The following CAST variants were observed in gnomAD, a reference collection of about 807,000 sequenced individuals.
CAST encodes MIR583 host.
A neutral mutation model predicts 119.6 loss-of-function variants in CAST; 76 were observed. The ratio of observed to expected loss-of-function variants is 0.64; its 90% confidence interval spans 0.53 to 0.77. The LOEUF (loss-of-function observed/expected upper bound fraction) is 0.77, where lower values mean the gene tolerates loss of function less well. Among genes scored for constraint, CAST ranks in the 30% least tolerant of loss-of-function variants. CAST has a pLI of 0.00. For missense variants in CAST, 953 were observed against 946.5 expected (o/e 1.01, Z -0.09); for synonymous variants, 319 against 331.6 (o/e 0.96, Z 0.41).
At chr5:96,494,877 G>A in the CAST span, among the ~76,000 whole-genome samples, 1 of 152,250 alleles carries the variant, frequency 6.6e-6, no homozygotes, top group Admixed American at 6.5e-5. Context: ...CAGCACTTTG[G>A]GAGGGCAAGG....
chr5:96,289,370 A>G, the CAST span, among the ~76,000 whole-genome samples: 1 of 152,102 alleles, frequency 6.6e-6, no homozygotes, highest in Non-Finnish European at 1.5e-5. Flanking sequence ...CTCATCTTGA[A>G]TTGTAGTTCC....
chr5:96,393,415 T>C, the CAST span: 6 of 1,611,932 alleles, frequency 3.7e-6, no homozygotes, highest in Non-Finnish European at 5.1e-6. Context: ...GGGAAGAAGG[T>C]TCATTATTTA....
chr5:96,251,307 A>T, the CAST span, among the ~76,000 whole-genome samples: 1 of 152,196 alleles, frequency 6.6e-6, no homozygotes, highest in Non-Finnish European at 1.5e-5. Flanking sequence ...AGGAAGGTGT[A>T]AGTCCATGTA....
chr5:96,694,984 A>T (rs1333392551), intron 2 of CAST, among the ~76,000 whole-genome samples: 1 of 152,194 alleles, frequency 6.6e-6, no homozygotes, highest in Non-Finnish European at 1.5e-5. Context: ...TTTTTCTAGG[A>T]CATGATTTTT....
At chr5:96,207,856 GT>G in the CAST span, among the ~76,000 whole-genome samples, 1 of 152,058 alleles carries the variant, frequency 6.6e-6, no homozygotes, top group Admixed American at 6.6e-5. Flanking sequence ...TTTTGGAAAA[GT>G]TTAAGTAGAA....
At chr5:96,768,460 A>G (rs943443865) in intron 29 of CAST, 11 of 449,432 alleles carry the variant, frequency 2.4e-5, no homozygotes, top group African/African-American at 6.1e-5. Context: ...AAAAATGCCT[A>G]TAATTCCACT....
chr5:96,072,913 T>C, the CAST span, among the ~76,000 whole-genome samples: 1 of 152,254 alleles, frequency 6.6e-6, no homozygotes, highest in Non-Finnish European at 1.5e-5. Context: ...GCAAGAATGC[T>C]TCATGGGAAC....
the CAST span, among the ~76,000 whole-genome samples, chr5:96,240,930 T>C: frequency 6.6e-6 from 1 of 152,082 alleles, no homozygotes; most frequent in Admixed American, 6.6e-5. Flanking sequence ...ATTCACATAT[T>C]GAATACTATA....
At chr5:96,074,122 A>G in the CAST span, among the ~76,000 whole-genome samples, 1 of 152,218 alleles carries the variant, frequency 6.6e-6, no homozygotes, top group African/African-American at 2.4e-5. Flanking sequence ...ACACCATGGA[A>G]GAGCTAACTG....
chr5:96,425,521 T>C, the CAST span, among the ~76,000 whole-genome samples: 66 of 152,326 alleles, frequency 4.3e-4, 1 homozygote, highest in East Asian at 0.013. Flanking sequence ...AAGTACTGTT[T>C]TTGGAAACCC....
the CAST span, among the ~76,000 whole-genome samples, chr5:96,327,303 T>C: frequency 6.6e-6 from 1 of 152,236 alleles, no homozygotes; most frequent in African/African-American, 2.4e-5. Context: ...TTATCATGAC[T>C]TTTATTGCAG....
the CAST span, among the ~76,000 whole-genome samples, chr5:96,202,379 A>G: frequency 6.6e-6 from 1 of 152,070 alleles, no homozygotes; most frequent in Non-Finnish European, 1.5e-5. Context: ...TTCCAGTGAC[A>G]TTATGATTCA....
At chr5:96,172,587 T>C in the CAST span, among the ~76,000 whole-genome samples, 1 of 152,250 alleles carries the variant, frequency 6.6e-6, no homozygotes, top group Non-Finnish European at 1.5e-5. Flanking sequence ...GTTGGAGGTA[T>C]GTGGAAAGGT....
At chr5:96,637,246 T>C (rs764784447) in intron 1 of CAST, among the ~76,000 whole-genome samples, 1 of 152,212 alleles carries the variant, frequency 6.6e-6, no homozygotes, top group Non-Finnish European at 1.5e-5. Flanking sequence ...CTAATTTTTG[T>C]AGCAACCATA....
chr5:96,130,060 C>T, the CAST span, among the ~76,000 whole-genome samples: 8 of 148,308 alleles, frequency 5.4e-5, no homozygotes, highest in Admixed American at 5.4e-4. Flanking sequence ...CTTGCTGTCC[C>T]CTGGGCTGCA....
At chr5:96,027,588 G>A in the CAST span, among the ~76,000 whole-genome samples, 1 of 151,884 alleles carries the variant, frequency 6.6e-6, no homozygotes, top group African/African-American at 2.4e-5. Flanking sequence ...ATAACAATGT[G>A]GAAACAATGT....
At chr5:96,477,283 T>G in the CAST span, among the ~76,000 whole-genome samples, 1 of 147,610 alleles carries the variant, frequency 6.8e-6, no homozygotes, top group Admixed American at 6.8e-5. Flanking sequence ...TAGAGAGAAA[T>G]AGAGATATAT....
intron 1 of CAST, among the ~76,000 whole-genome samples, chr5:96,625,288 G>GTC (rs147687748): frequency 1.1e-4 from 16 of 150,578 alleles, no homozygotes; most frequent in Admixed American, 5.9e-4. Context: ...CCCTCTCTCT[G>GTC]TCTCTCTCTC....
At chr5:96,401,650 C>T in the CAST span, among the ~76,000 whole-genome samples, 62 of 152,276 alleles carry the variant, frequency 4.1e-4, no homozygotes, top group South Asian at 2.1e-4. Context: ...CACATGGTCC[C>T]GAGCTCTTTT....
Sources: allele counts gnomAD v4.1 joint callset (sites outside exome capture counted in the v4.1 genomes callset), GRCh38; gene constraint gnomAD v4.1.1; transcripts MANE v1.5; gene names NCBI Gene and HGNC (gene_info 2026-07-23, HGNC 2026-07-21).